The following EDN1 variants were observed in gnomAD, a reference collection of about 807,000 sequenced individuals.
The protein encoded by EDN1 is endothelin-1.
Under a neutral mutation model 21.7 loss-of-function variants are expected in EDN1, and 11 were observed. That is an observed-to-expected ratio of 0.51 (90% CI 0.32 to 0.84). The LOEUF is 0.84. EDN1 is among the 40% of genes least tolerant of loss of function. The pLI, the probability that EDN1 is intolerant of heterozygous loss-of-function variation, is 0.03. For missense variants in EDN1, 244 were observed against 262.3 expected (o/e 0.93, Z 0.48); for synonymous variants, 85 against 90.6 (o/e 0.94, Z 0.35).
Position 12,290,681 on chromosome 6 carries a change from G to T in EDN1, c.52G>T (p.Ala18Ser), listed in dbSNP as rs777308856. The T allele has an allele frequency of 2.5e-6, 4 of 1,613,952 alleles. No individual in the cohort carries two copies. The African/African-American group carries it at 5.3e-5, about 22-fold the overall frequency. ...FSLLFVACQG[A>S]PETAVLGAEL... The stretch of plus-strand genomic sequence containing the variant: ...TCTGCTGTTTGTGGCTTGCCAAGGA[G>T]CTCCAGAAACAGGTAGGCACGCTCG... The change falls in exon 1 of 5, where the codon GCT (alanine) becomes TCT (serine). Residue 18 changes from alanine (A) to serine (S), a missense_variant. By Grantham distance (99) the Ala-to-Ser change is moderately conservative. Transcript: ENST00000379375.
At chr6:12,238,239 T>C in the EDN1 span, among the ~76,000 whole-genome samples, 1 of 151,954 alleles carries the variant, frequency 6.6e-6, no homozygotes, top group Non-Finnish European at 1.5e-5. Flanking sequence ...GTGCTTCTAT[T>C]TCTTTGTGAT....
At chr6:12,283,682 T>C in the EDN1 span, among the ~76,000 whole-genome samples, 1 of 152,230 alleles carries the variant, frequency 6.6e-6, no homozygotes, top group Admixed American at 6.5e-5. Flanking sequence ...GAAAATTATA[T>C]AGACTTCCCA....
At chr6:12,273,067 G>A in the EDN1 span, among the ~76,000 whole-genome samples, 15 of 152,160 alleles carry the variant, frequency 9.9e-5, no homozygotes, top group African/African-American at 3.1e-4. Context: ...AAATTGTGAC[G>A]ACTCTACAGA....
the EDN1 span, among the ~76,000 whole-genome samples, chr6:12,230,752 A>G: frequency 6.6e-6 from 1 of 152,276 alleles, no homozygotes; most frequent in Non-Finnish European, 1.5e-5. Context: ...CCCCATGAAT[A>G]TTGATTTTGA....
At chr6:12,247,992 A>G in the EDN1 span, among the ~76,000 whole-genome samples, 1 of 152,118 alleles carries the variant, frequency 6.6e-6, no homozygotes, top group Admixed American at 6.6e-5. Flanking sequence ...TCTTAATCCA[A>G]TGAGGCTGGT....
At chr6:12,251,191 A>G in the EDN1 span, among the ~76,000 whole-genome samples, 1 of 152,234 alleles carries the variant, frequency 6.6e-6, no homozygotes, top group Admixed American at 6.5e-5. Context: ...AACTTAAGCC[A>G]TACCCCAAAA....
At chr6:12,261,361 C>A in the EDN1 span, among the ~76,000 whole-genome samples, 1 of 152,222 alleles carries the variant, frequency 6.6e-6, no homozygotes, top group Non-Finnish European at 1.5e-5. Flanking sequence ...CAAACAGGTA[C>A]GCTCCGAAAT....
chr6:12,274,454 C>T, the EDN1 span, among the ~76,000 whole-genome samples: 1 of 152,102 alleles, frequency 6.6e-6, no homozygotes, highest in East Asian at 1.9e-4. Context: ...CACATACCTC[C>T]CTGATGGAAA....
In EDN1 at chr6:12,290,623, T is replaced by C. The variant is rs1168659990; in HGVS notation, c.-7T>C. The C allele has an allele frequency of 1.9e-6, 3 of 1,614,170 alleles. No individual in the cohort carries two copies. Among genetic ancestry groups the C allele is most frequent in the South Asian group, 1.1e-5 (1 of 91,086 alleles). ...GAACGGGAGGTTTTTGATCCCTTTT[T>C]TTCAGAATGGATTATTTGCTCATGA... On this transcript the variant is annotated 5_prime_UTR_variant, in exon 1 of 5. Transcript: ENST00000379375.
chr6:12,279,037 T>C, the EDN1 span, among the ~76,000 whole-genome samples: 16 of 152,232 alleles, frequency 1.1e-4, no homozygotes, highest in African/African-American at 3.9e-4. Flanking sequence ...CAACTTTCTC[T>C]GGCAGTGCTT....
the EDN1 span, among the ~76,000 whole-genome samples, chr6:12,239,356 C>T: frequency 2.0e-5 from 3 of 152,174 alleles, no homozygotes; most frequent in Non-Finnish European, 2.9e-5. Context: ...AATAAAGCCT[C>T]AAAATGCTAG....
At chr6:12,278,567 ATTCAAATCCTACAT>A in the EDN1 span, among the ~76,000 whole-genome samples, 2 of 152,152 alleles carry the variant, frequency 1.3e-5, no homozygotes, top group African/African-American at 4.8e-5. Context: ...TGTCGCATTC[ATTCAAATCCTACAT>A]TTAAAAATCT....
the EDN1 span, among the ~76,000 whole-genome samples, chr6:12,243,172 A>G: frequency 1.3e-5 from 2 of 152,218 alleles, no homozygotes; most frequent in Admixed American, 1.3e-4. Context: ...AAGTAAGTTA[A>G]GAAAAGAAAA....
At chr6:12,264,654 A>C in the EDN1 span, among the ~76,000 whole-genome samples, 2 of 152,162 alleles carry the variant, frequency 1.3e-5, no homozygotes, top group Admixed American at 1.3e-4. Context: ...ATGTTTTAAG[A>C]AAGTCTATGA....
At chr6:12,293,812 C>A in intron 2 of EDN1, 129 bp from the exon 3 acceptor site, 1 of 1,035,876 alleles carries the variant, frequency 9.7e-7, no homozygotes, top group Non-Finnish European at 1.4e-6. Flanking sequence ...ACACTTTACC[C>A]TCTGAAATGA....
the EDN1 span, among the ~76,000 whole-genome samples, chr6:12,284,583 C>A: frequency 1.3e-4 from 14 of 108,400 alleles, no homozygotes; most frequent in African/African-American, 5.6e-4. Flanking sequence ...AGCAAGCAAG[C>A]AGGAAAGAAA....
chr6:12,246,982 T>TA, the EDN1 span, among the ~76,000 whole-genome samples: 1 of 152,240 alleles, frequency 6.6e-6, no homozygotes, highest in Non-Finnish European at 1.5e-5. Context: ...AGCTAGTGCA[T>TA]AGAAGGTGCC....
the EDN1 span, among the ~76,000 whole-genome samples, chr6:12,240,701 G>A: frequency 1.3e-5 from 2 of 152,140 alleles, no homozygotes; most frequent in Non-Finnish European, 2.9e-5. Context: ...ATGGAAATAA[G>A]GGTACACTGA....
the EDN1 span, among the ~76,000 whole-genome samples, chr6:12,275,435 C>G: frequency 6.6e-6 from 1 of 152,164 alleles, no homozygotes; most frequent in African/African-American, 2.4e-5. Flanking sequence ...AAAATAGACA[C>G]CTTTTACTTG....
Sources: gnomAD v4.1 joint callset for allele counts (sites outside exome capture counted in the v4.1 genomes callset) on GRCh38, gnomAD v4.1.1 for gene constraint, MANE v1.5 for transcripts, NCBI Gene and HGNC (gene_info 2026-07-23, HGNC 2026-07-21) for gene names.